The following RBBP8 variants were observed in gnomAD, a reference collection of about 807,000 sequenced individuals.
The protein encoded by RBBP8 is DNA endonuclease RBBP8.
RBBP8 carries 88 observed loss-of-function variants against 108.3 expected under a neutral mutation model. The ratio of observed to expected loss-of-function variants is 0.81; its 90% CI spans 0.68 to 0.97. The LOEUF (loss-of-function observed/expected upper bound fraction) is 0.97. Ranked by LOEUF, RBBP8 falls within the 50% of genes least tolerant of loss-of-function variation. The pLI is 0.00. For synonymous variants in RBBP8, 332 were observed against 348.2 expected, an observed-to-expected ratio of 0.95 and a Z score of 0.52; for missense variants, 1,023 against 1,049.0, an observed-to-expected ratio of 0.98 and a Z score of 0.34.
At chr18:22,983,524 A>G (rs952770261) in intron 7 of RBBP8, among the ~76,000 whole-genome samples, 8 of 152,254 alleles carry the variant, frequency 5.3e-5, no homozygotes, top group African/African-American at 1.9e-4. Flanking sequence ...CAGACAGGAC[A>G]TGAATCATTA....
chr18:23,022,056 A>G (rs2046353652), intron 17 of RBBP8, 73 bp from the exon 18 acceptor site: 2 of 1,262,022 alleles, frequency 1.6e-6, no homozygotes, highest in Admixed American at 1.7e-5. Context: ...TTTAGCTTCT[A>G]GTTTGTAATC....
chr18:22,959,296 C>T (rs1912863213), intron 4 of RBBP8, among the ~76,000 whole-genome samples: 2 of 152,164 alleles, frequency 1.3e-5, no homozygotes, highest in African/African-American at 4.8e-5. Context: ...GAAGGCATTT[C>T]TCATTGTTAG....
At chr18:22,943,248 C>G (rs573560366) in intron 2 of RBBP8, among the ~76,000 whole-genome samples, 2 of 150,930 alleles carry the variant, frequency 1.3e-5, no homozygotes, top group Non-Finnish European at 2.9e-5. Flanking sequence ...CCAGCCTGGA[C>G]AACAAAGCGA....
chr18:22,952,657 A>C (rs1308465346), intron 4 of RBBP8, among the ~76,000 whole-genome samples: 1 of 152,186 alleles, frequency 6.6e-6, no homozygotes, highest in Non-Finnish European at 1.5e-5. Flanking sequence ...CCAGGAAACT[A>C]GAAAGCCATC....
At position 22,993,016 on chromosome 18, in the gene RBBP8, A is replaced by G; in HGVS notation, c.1189A>G (p.Ile397Val). The change falls in exon 11 of 19, where the codon ATC becomes GTC. Residue 397 changes from isoleucine to valine, a missense_variant. By Grantham distance (29) the Ile-to-Val change is conservative. Coordinates refer to ENST00000327155, the MANE Select transcript of RBBP8 (RefSeq NM_002894.3). Reference protein sequence around the residue: ...HHSLGSEVNKIIIQSSNKQIL... With the variant: ...HHSLGSEVNKVIIQSSNKQIL... ...CAGTCTTGGGTCTGAAGTGAACAAG[A>G]TCATTATCCAGTCATCTAATAAACA... is the stretch of plus-strand genomic sequence containing the variant. 6.2e-7 allele frequency: 1 copy of G among 1,613,634 alleles called. No homozygotes were observed. The highest frequency in any genetic ancestry group is 1.3e-5 in the African/African-American group (1 of 75,050).
chr18:22,941,914 T>A (rs74693893), intron 2 of RBBP8, among the ~76,000 whole-genome samples: 4,246 of 152,270 alleles, frequency 0.028, 109 homozygotes, highest in East Asian at 0.082. Context: ...CTTAAAGGTA[T>A]TAAATGAATA....
intron 12 of RBBP8, 48 bp downstream of exon 12, chr18:22,993,895 T>G: frequency 6.4e-7 from 1 of 1,571,974 alleles, no homozygotes; most frequent in Non-Finnish European, 8.7e-7. Flanking sequence ...GACTTCAGAT[T>G]GAATGTCATT....
At chr18:22,966,740 T>C (rs1913635817) in intron 4 of RBBP8, among the ~76,000 whole-genome samples, 1 of 140,468 alleles carries the variant, frequency 7.1e-6, no homozygotes, top group South Asian at 2.3e-4. Flanking sequence ...TTTTTTTTTT[T>C]TGGAGAGAGA....
At chr18:22,956,495 G>A (rs540837342) in intron 4 of RBBP8, among the ~76,000 whole-genome samples, 9 of 152,230 alleles carry the variant, frequency 5.9e-5, no homozygotes, top group East Asian at 3.9e-4. Context: ...ACCACGCCAT[G>A]CCTGGCTAAT....
chr18:22,918,905 C>T (rs1165349570), intron 3 of RBBP8, among the ~76,000 whole-genome samples: 2 of 152,250 alleles, frequency 1.3e-5, no homozygotes, highest in Admixed American at 1.3e-4. Flanking sequence ...TGTGCTTTTT[C>T]TACTACCAAG....
chr18:22,928,047 A>G (rs1245349109), intron 3 of RBBP8, among the ~76,000 whole-genome samples: 1 of 152,152 alleles, frequency 6.6e-6, no homozygotes, highest in Non-Finnish European at 1.5e-5. Flanking sequence ...CGTCTCTACT[A>G]AAGACACAAT....
At chr18:22,914,585 C>A (rs560961253) in intron 1 of RBBP8, among the ~76,000 whole-genome samples, 1 of 152,146 alleles carries the variant, frequency 6.6e-6, no homozygotes, top group African/African-American at 2.4e-5. Context: ...AAATAAATTT[C>A]ACATATTAAT....
intron 6 of RBBP8, 35 bp downstream of exon 6, chr18:22,975,254 T>C: frequency 6.2e-7 from 1 of 1,609,318 alleles, no homozygotes. Context: ...TATTTTATTT[T>C]ATTTAGCTAT....
At chr18:22,937,516 G>A (rs1910682970) in intron 2 of RBBP8, among the ~76,000 whole-genome samples, 1 of 148,398 alleles carries the variant, frequency 6.7e-6, no homozygotes, top group African/African-American at 2.5e-5. Flanking sequence ...TTTGAGACAG[G>A]GTCTCACTGT....
At chr18:22,989,406 C>A in intron 9 of RBBP8, 88 bp downstream of exon 9, 5 of 981,650 alleles carry the variant, frequency 5.1e-6, no homozygotes, top group South Asian at 1.3e-5. Context: ...GAGAATTGTT[C>A]TATCTAAAGA....
chr18:22,959,722 ATGTGTGTGTGTGTTTG>A (rs1912904527), intron 4 of RBBP8, among the ~76,000 whole-genome samples: 1 of 151,004 alleles, frequency 6.6e-6, no homozygotes, highest in African/African-American at 2.4e-5. Context: ...GTATATTTAT[ATGTGTGTGTGTGTTTG>A]TGTGTGTGTG....
chr18:22,918,013 A>C (rs1909434176), intron 3 of RBBP8, among the ~76,000 whole-genome samples: 1 of 151,814 alleles, frequency 6.6e-6, no homozygotes, highest in African/African-American at 2.4e-5. Flanking sequence ...AAAAAAAAAA[A>C]ACATATAATG....
chr18:23,004,213 C>A (rs190256886), intron 15 of RBBP8, among the ~76,000 whole-genome samples: 1 of 151,902 alleles, frequency 6.6e-6, no homozygotes, highest in Non-Finnish European at 1.5e-5. Flanking sequence ...AGCCAAGATA[C>A]GGAATCAGCC....
chr18:22,968,253 T>C (rs1913788462), intron 4 of RBBP8, among the ~76,000 whole-genome samples: 1 of 151,922 alleles, frequency 6.6e-6, no homozygotes, highest in East Asian at 1.9e-4. Flanking sequence ...TTGTATTTTT[T>C]AGTAGAGACG....
Sources: allele counts gnomAD v4.1 joint callset (sites outside exome capture counted in the v4.1 genomes callset), GRCh38; gene constraint gnomAD v4.1.1; transcripts MANE v1.5; gene names NCBI Gene and HGNC (gene_info 2026-07-23, HGNC 2026-07-21).